MGAT4C: variants seen among roughly 807,000 people sequenced by gnomAD.
MGAT4C encodes MGAT4 family member C.
MGAT4C carries 19 observed loss-of-function variants against 40.1 expected under a neutral mutation model. The ratio of observed to expected loss-of-function variants is 0.47; its 90% confidence interval spans 0.33 to 0.70. The LOEUF (loss-of-function observed/expected upper bound fraction) is 0.70. MGAT4C is among the 30% of genes least tolerant of loss of function. The probability of loss-of-function intolerance (pLI) is 0.02; values close to 1 mark genes in which losing one functional copy is unlikely to be tolerated. For synonymous variants in MGAT4C, 181 were observed against 187.1 expected (o/e 0.97, Z 0.27); for missense variants, 491 against 563.2 (o/e 0.87, Z 1.30).
chr12:86,383,294 G>A (rs1391744292), intron 3 of MGAT4C, among the ~76,000 whole-genome samples: 1 of 151,918 alleles, frequency 6.6e-6, no homozygotes, highest in Non-Finnish European at 1.5e-5. Flanking sequence ...GCTCACGCCT[G>A]TAATCCCAGC....
chr12:86,680,448 A>G (rs1249977159), intron 2 of MGAT4C, among the ~76,000 whole-genome samples: 1 of 152,036 alleles, frequency 6.6e-6, no homozygotes, highest in East Asian at 1.9e-4. Context: ...TTGAATTGTT[A>G]GAGTCTGGGG....
intron 2 of MGAT4C, among the ~76,000 whole-genome samples, chr12:86,682,776 A>G (rs1352078533): frequency 6.6e-6 from 1 of 152,146 alleles, no homozygotes; most frequent in Non-Finnish European, 1.5e-5. Context: ...AATATTTAGT[A>G]AATATATTTT....
At chr12:86,736,135 T>C (rs1950981945) in intron 1 of MGAT4C, among the ~76,000 whole-genome samples, 1 of 151,880 alleles carries the variant, frequency 6.6e-6, no homozygotes, top group South Asian at 2.1e-4. Context: ...GTTGAAGACC[T>C]AGCTTCTCCA....
intron 4 of MGAT4C, among the ~76,000 whole-genome samples, chr12:86,328,487 C>A (rs1355723544): frequency 2.0e-5 from 3 of 151,860 alleles, no homozygotes; most frequent in South Asian, 2.1e-4. Flanking sequence ...TCATAGGATT[C>A]AAGGTCAGTA....
intron 2 of MGAT4C, among the ~76,000 whole-genome samples, chr12:86,486,110 A>C (rs993712743): frequency 6.6e-6 from 1 of 152,120 alleles, no homozygotes; most frequent in Non-Finnish European, 1.5e-5. Flanking sequence ...TACCACAAAA[A>C]CACAAATAAG....
At chr12:86,268,195 C>T (rs939415652) in intron 4 of MGAT4C, among the ~76,000 whole-genome samples, 1 of 152,038 alleles carries the variant, frequency 6.6e-6, no homozygotes, top group Admixed American at 6.6e-5. Flanking sequence ...TTGATCTCAC[C>T]ATCTCATTCA....
At chr12:86,244,560 T>C (rs1951936620) in intron 1 of MGAT4C, among the ~76,000 whole-genome samples, 1 of 152,344 alleles carries the variant, frequency 6.6e-6, no homozygotes, top group South Asian at 2.1e-4. Flanking sequence ...AATGAGCTTC[T>C]ACTCTGCGCT....
intron 3 of MGAT4C, among the ~76,000 whole-genome samples, chr12:86,421,053 T>G (rs1189907059): frequency 6.6e-6 from 1 of 152,042 alleles, no homozygotes; most frequent in Non-Finnish European, 1.5e-5. Flanking sequence ...TGAGACATTG[T>G]GAACCAAACA....
chr12:86,508,751 C>G (rs898776077), intron 2 of MGAT4C, among the ~76,000 whole-genome samples: 11 of 148,660 alleles, frequency 7.4e-5, no homozygotes, highest in Admixed American at 2.0e-4. Context: ...GATCGCCATT[C>G]TAACTGGTGT....
intron 1 of MGAT4C, among the ~76,000 whole-genome samples, chr12:86,143,181 C>A (rs924282439): frequency 1.3e-5 from 2 of 152,126 alleles, no homozygotes; most frequent in Non-Finnish European, 2.9e-5. Flanking sequence ...GAATCCCATG[C>A]CTGAGGGGGC....
At chr12:86,081,223 C>A (rs985068936) in intron 1 of MGAT4C, among the ~76,000 whole-genome samples, 4 of 152,040 alleles carry the variant, frequency 2.6e-5, no homozygotes, top group African/African-American at 9.7e-5. Context: ...ATTTTGCTCC[C>A]AAGATGCATC....
At chr12:86,804,542 G>T (rs1952311071) in intron 1 of MGAT4C, among the ~76,000 whole-genome samples, 1 of 151,798 alleles carries the variant, frequency 6.6e-6, no homozygotes, top group African/African-American at 2.4e-5. Context: ...GTGCTATATT[G>T]TAATTGAAAT....
chr12:86,551,301 C>T (rs985141588), intron 2 of MGAT4C, among the ~76,000 whole-genome samples: 5 of 152,208 alleles, frequency 3.3e-5, no homozygotes, highest in East Asian at 1.9e-4. Flanking sequence ...TGGGCCAGAC[C>T]GGGCAGGCAC....
At chr12:86,300,278 A>T (rs970783001) in intron 4 of MGAT4C, among the ~76,000 whole-genome samples, 1 of 152,222 alleles carries the variant, frequency 6.6e-6, no homozygotes, top group Non-Finnish European at 1.5e-5. Flanking sequence ...TGGAATACAT[A>T]CATACTTTCT....
intron 1 of MGAT4C, among the ~76,000 whole-genome samples, chr12:86,748,318 T>C (rs529186944): frequency 9.9e-5 from 15 of 151,800 alleles, no homozygotes; most frequent in Admixed American, 4.0e-4. Context: ...AATCTGCCTC[T>C]GGCCTCTGAA....
At chr12:86,512,785 ATATAGGGAGTTTC>A (rs1342269636) in intron 2 of MGAT4C, among the ~76,000 whole-genome samples, 1 of 152,084 alleles carries the variant, frequency 6.6e-6, no homozygotes, top group Non-Finnish European at 1.5e-5. Context: ...AGGGAGAGGA[ATATAGGGAGTTTC>A]TGTTCAATGG....
At chr12:86,290,571 G>T (rs1346692292) in intron 4 of MGAT4C, among the ~76,000 whole-genome samples, 1 of 152,088 alleles carries the variant, frequency 6.6e-6, no homozygotes, top group African/African-American at 2.4e-5. Flanking sequence ...AATAAAGTAG[G>T]TTGGTCCCTT....
At chr12:86,180,104 C>T (rs982928155) in intron 1 of MGAT4C, among the ~76,000 whole-genome samples, 1 of 152,170 alleles carries the variant, frequency 6.6e-6, no homozygotes, top group African/African-American at 2.4e-5. Flanking sequence ...CCACTCCAGC[C>T]ATGGCTGAAA....
intron 2 of MGAT4C, among the ~76,000 whole-genome samples, chr12:86,621,615 A>C (rs573561141): frequency 2.0e-5 from 3 of 152,188 alleles, no homozygotes; most frequent in African/African-American, 7.2e-5. Flanking sequence ...AGTAGCTGGG[A>C]CTACAGGTGC....
Sources: gnomAD v4.1 joint callset for allele counts (sites outside exome capture counted in the v4.1 genomes callset) on GRCh38, gnomAD v4.1.1 for gene constraint, MANE v1.5 for transcripts, NCBI Gene and HGNC (gene_info 2026-07-23, HGNC 2026-07-21) for gene names.